Variants in NEBL observed in about 807,000 individuals in gnomAD.
NEBL encodes LIM and SH3 protein 2.
Under a neutral mutation model 140.2 loss-of-function variants are expected in NEBL, and 122 were observed. The ratio of observed to expected loss-of-function variants is 0.87; its 90% CI spans 0.75 to 1.01. NEBL has a LOEUF of 1.01. Ranked by LOEUF, NEBL falls within the 50% of genes least tolerant of loss-of-function variation. The pLI is 0.00. For missense variants in NEBL, 1,365 were observed against 1,231.3 expected (o/e 1.11, Z -1.62); for synonymous variants, 436 against 398.9 (o/e 1.09, Z -1.11).
At chr10:20,946,569 CT>C (rs1835170868) in intron 4 of NEBL, among the ~76,000 whole-genome samples, 1 of 152,162 alleles carries the variant, frequency 6.6e-6, no homozygotes, top group Non-Finnish European at 1.5e-5. Flanking sequence ...TCAAGCAATT[CT>C]CCCACCTCAG....
intron 22 of NEBL, among the ~76,000 whole-genome samples, chr10:20,815,088 T>C (rs976304676): frequency 2.6e-5 from 4 of 152,208 alleles, no homozygotes; most frequent in African/African-American, 9.7e-5. Flanking sequence ...AATTCAGAAT[T>C]GAAGCCCTGA....
rs573585027 is a variant in NEBL, at chr10:20,858,473, G to T, written c.799-129C>A. 36 of 775,754 alleles carry T rather than the reference G, an allele frequency of 4.6e-5. No homozygotes were observed. The South Asian group carries it at 4.8e-4, about 10-fold the overall frequency. 48.1% of individuals were successfully genotyped at this position (775,754 alleles called of 1,614,324 possible). On this transcript the variant is annotated intron_variant, in intron 8 of 27. Transcript: ENST00000377122. ...AAATGGACAGACGAATTTACAAGGA[G>T]CCACTAGATGGTGCTGATTTACTAC...
In NEBL at chr10:21,078,989, A is replaced by C. The variant is rs946613637; in HGVS notation, c.165-58788T>G. ...ACTTCATTAAGCCCTGACAGCCTTTATAGAAACATCAGAATGTCTGTATTT... is the reference window on the plus strand; with the variant it reads ...ACTTCATTAAGCCCTGACAGCCTTTCTAGAAACATCAGAATGTCTGTATTT... On this transcript the variant is annotated intron_variant, in intron 2 of 6. Coordinates refer to the NEBL transcript ENST00000417816. 3.3e-5 allele frequency among the ~76,000 whole-genome samples: 5 copies of C among 152,214 alleles called. No individual in the cohort carries two copies. The East Asian group carries it at 5.8e-4, about 18-fold the overall frequency.
intron 8 of NEBL, among the ~76,000 whole-genome samples, chr10:20,858,846 A>G (rs1280183227): frequency 6.6e-6 from 1 of 152,180 alleles, no homozygotes; most frequent in Non-Finnish European, 1.5e-5. Context: ...ATATGTATTA[A>G]GTATTGAATC....
chr10:20,848,323 T>C (rs892945052), intron 11 of NEBL, among the ~76,000 whole-genome samples: 1 of 152,222 alleles, frequency 6.6e-6, no homozygotes, highest in Admixed American at 6.5e-5. Context: ...TGTAAATTTT[T>C]GTAGGGTTTC....
chr10:21,110,213 C>G (rs1441629490), intron 2 of NEBL, among the ~76,000 whole-genome samples: 1 of 152,134 alleles, frequency 6.6e-6, no homozygotes, highest in Non-Finnish European at 1.5e-5. Context: ...CTTCTATTTA[C>G]TGAAAGAGTC....
chr10:21,202,849 T>G (rs1841764010), intron 3 of NEBL, among the ~76,000 whole-genome samples: 1 of 152,204 alleles, frequency 6.6e-6, no homozygotes, highest in African/African-American at 2.4e-5. Context: ...AAAATACATA[T>G]TAAAAGATTG....
At chr10:21,155,240 G>C (rs1391051804) in intron 2 of NEBL, among the ~76,000 whole-genome samples, 3 of 152,116 alleles carry the variant, frequency 2.0e-5, no homozygotes, top group Non-Finnish European at 4.4e-5. Flanking sequence ...ATGGAAAATG[G>C]GGTATCCATC....
intron 2 of NEBL, among the ~76,000 whole-genome samples, chr10:21,043,754 A>C (rs1362990966): frequency 6.6e-6 from 1 of 152,208 alleles, no homozygotes; most frequent in African/African-American, 2.4e-5. Flanking sequence ...TTTTTCAACA[A>C]ATAATTAGGA....
intron 2 of NEBL, among the ~76,000 whole-genome samples, chr10:21,041,454 A>G (rs1427423097): frequency 6.6e-6 from 1 of 152,196 alleles, no homozygotes; most frequent in East Asian, 1.9e-4. Context: ...GGGAAGATGC[A>G]GACAACATGG....
In NEBL at chr10:21,228,114, T is replaced by C. The variant is rs180983975; in HGVS notation, n.348+19807A>G. Among the ~76,000 whole-genome samples the C allele has an allele frequency of 6.1e-4, 90 of 147,836 alleles. 1 individual carries two copies. The highest frequency in any genetic ancestry group is 2.2e-3 in the African/African-American group (86 of 39,990). The stretch of plus-strand genomic sequence containing the variant: ...AAAAGTTAATCCAAAGTTTTTTGGG[T>C]TTTTTTTTTCGAGTTGTTGTTGTTG... On this transcript the variant is annotated intron_variant and non_coding_transcript_variant, in intron 3 of 8. Transcript: ENST00000675702.
Position 21,077,706 on chromosome 10 carries a change from G to A in NEBL, c.165-57505C>T, listed in dbSNP as rs542617366. On this transcript the variant is annotated intron_variant, in intron 2 of 6. Coordinates refer to the NEBL transcript ENST00000417816. ...TTCAGCTGATGGTCTGTTGGTTCCT[G>A]ATATCTTTTTCCCTTCTTCATTTTC... Among the ~76,000 whole-genome samples the A allele has an allele frequency of 2.0e-5, 3 of 152,224 alleles. No individual in the cohort carries two copies. In the South Asian group the frequency reaches 6.2e-4, roughly 32 times the overall value.
chr10:21,283,713 A>C (rs1474989072), intron 1 of NEBL, among the ~76,000 whole-genome samples: 3 of 152,286 alleles, frequency 2.0e-5, no homozygotes, highest in Non-Finnish European at 2.9e-5. Flanking sequence ...ATTCATACCA[A>C]GTGGGATAGG....
chr10:21,181,013 G>T (rs892429663), intron 3 of NEBL, among the ~76,000 whole-genome samples: 9 of 152,024 alleles, frequency 5.9e-5, no homozygotes, highest in African/African-American at 2.2e-4. Context: ...TGTAATCCCA[G>T]CATTTTGGGA....
rs147147865 is a variant in NEBL, at chr10:21,169,049, C to CA, written c.164+3333dup. Among the ~76,000 whole-genome samples, 66 of 25,518 alleles carry CA rather than the reference C, an allele frequency of 2.6e-3. 4 individuals are homozygous for CA. The highest frequency in any genetic ancestry group is 4.2e-3 in the African/African-American group (29 of 6,952). 16.7% of individuals were successfully genotyped at this position (25,518 alleles called of 152,430 possible). A position where few individuals can be genotyped will look rare whatever the true frequency, so the allele number is the denominator to read the frequency against. On this transcript the variant is annotated intron_variant, in intron 2 of 6. Transcript: ENST00000417816. ...GCGCTACAGAGTGAGACTCCGTCTA[C>CA]AAAAAAAAAAAAAAAAAAATATATA...
At chr10:21,102,135 T>G (rs541078774) in intron 2 of NEBL, among the ~76,000 whole-genome samples, 2 of 152,350 alleles carry the variant, frequency 1.3e-5, no homozygotes, top group East Asian at 3.9e-4. Flanking sequence ...GCTCTAAATG[T>G]CCAGACTTCT....
At chr10:21,051,456 A>G (rs1834777152) in intron 2 of NEBL, among the ~76,000 whole-genome samples, 1 of 152,212 alleles carries the variant, frequency 6.6e-6, no homozygotes, top group African/African-American at 2.4e-5. Context: ...GTTATAGTTT[A>G]GGATGCTTTA....
intron 14 of NEBL, among the ~76,000 whole-genome samples, chr10:20,834,329 G>A (rs975264035): frequency 6.6e-6 from 1 of 152,136 alleles, no homozygotes; most frequent in Non-Finnish European, 1.5e-5. Flanking sequence ...CTCTCAGGAC[G>A]AGAACAGAAG....
intron 4 of NEBL, among the ~76,000 whole-genome samples, chr10:20,921,593 G>C (rs1418538675): frequency 6.6e-6 from 1 of 152,170 alleles, no homozygotes; most frequent in East Asian, 1.9e-4. Context: ...GGGTGGTCAT[G>C]ACTTCCTGAA....
Sources: allele counts gnomAD v4.1 joint callset (sites outside exome capture counted in the v4.1 genomes callset), GRCh38; gene constraint gnomAD v4.1.1; transcripts MANE v1.5; gene names NCBI Gene and HGNC (gene_info 2026-07-23, HGNC 2026-07-21).